The following RAD51B variants were observed in gnomAD, a reference collection of about 807,000 sequenced individuals.
RAD51B encodes RAD51 paralog B.
RAD51B carries 38 observed loss-of-function variants against 42.2 expected under a neutral mutation model. The ratio of observed to expected loss-of-function variants is 0.90; its 90% CI spans 0.70 to 1.18. The LOEUF (loss-of-function observed/expected upper bound fraction) is 1.18. RAD51B is among the 50% of genes most tolerant of loss of function. RAD51B has a pLI of 0.00. For synonymous variants in RAD51B, 154 were observed against 145.2 expected, an observed-to-expected ratio of 1.06 and a Z score of -0.43; for missense variants, 373 against 400.7, an observed-to-expected ratio of 0.93 and a Z score of 0.59.
intron 7 of RAD51B, among the ~76,000 whole-genome samples, chr14:68,037,648 T>C (rs12432681): frequency 0.28 from 42,463 of 152,132 alleles, 7,858 homozygotes; most frequent in African/African-American, 0.53. Context: ...CACAAATGTC[T>C]TGCCAATGTC....
chr14:68,642,422 T>C (rs1177552938), intron 10 of RAD51B, among the ~76,000 whole-genome samples: 1 of 152,234 alleles, frequency 6.6e-6, no homozygotes, highest in African/African-American at 2.4e-5. Context: ...TTCTTCATTA[T>C]CCTTTTAATG....
chr14:68,161,425 C>G (rs546638909), intron 7 of RAD51B, among the ~76,000 whole-genome samples: 1 of 152,250 alleles, frequency 6.6e-6, no homozygotes, highest in East Asian at 1.9e-4. Context: ...ATAATTGGCC[C>G]AGCATAGGTC....
chr14:68,115,325 C>T (rs1796359089), intron 7 of RAD51B, among the ~76,000 whole-genome samples: 1 of 128,348 alleles, frequency 7.8e-6, no homozygotes, highest in Non-Finnish European at 1.5e-5. Context: ...TATTCTCACT[C>T]ATAGGTGGGA....
intron 7 of RAD51B, among the ~76,000 whole-genome samples, chr14:67,946,104 C>T (rs749215638): frequency 3.9e-4 from 60 of 152,148 alleles, no homozygotes; most frequent in Non-Finnish European, 4.3e-4. Flanking sequence ...ATTTGAAAAT[C>T]CCAAAATAGA....
chr14:68,391,702 C>T (rs1428179515), intron 8 of RAD51B, among the ~76,000 whole-genome samples: 1 of 151,898 alleles, frequency 6.6e-6, no homozygotes, highest in Non-Finnish European at 1.5e-5. Context: ...TCCTTTTACC[C>T]TGTATGTGGA....
intron 8 of RAD51B, among the ~76,000 whole-genome samples, chr14:68,377,050 T>TAG (rs2083385334): frequency 1.3e-5 from 2 of 152,204 alleles, no homozygotes; most frequent in Non-Finnish European, 2.9e-5. Flanking sequence ...GTTTACTATA[T>TAG]TATTGAGTTT....
At chr14:68,082,708 A>T (rs2076929857) in intron 7 of RAD51B, among the ~76,000 whole-genome samples, 1 of 151,278 alleles carries the variant, frequency 6.6e-6, no homozygotes, top group Non-Finnish European at 1.5e-5. Flanking sequence ...CTGTATTATA[A>T]TTTTTTTTTA....
At chr14:68,323,631 GA>G (rs1157161392) in intron 8 of RAD51B, among the ~76,000 whole-genome samples, 4 of 152,176 alleles carry the variant, frequency 2.6e-5, no homozygotes, top group African/African-American at 9.7e-5. Context: ...ATCTCTACTA[GA>G]AATAGAAAAA....
intron 7 of RAD51B, among the ~76,000 whole-genome samples, chr14:67,929,610 C>A (rs113247520): frequency 6.6e-6 from 1 of 152,070 alleles, no homozygotes; most frequent in Non-Finnish European, 1.5e-5. Context: ...TCTAAAGTCC[C>A]GTTTAAGTCT....
At chr14:68,466,931 C>A (rs2086001145) in intron 9 of RAD51B, among the ~76,000 whole-genome samples, 1 of 152,194 alleles carries the variant, frequency 6.6e-6, no homozygotes. Context: ...TCACATTTTC[C>A]CACCACTTCT....
intron 7 of RAD51B, among the ~76,000 whole-genome samples, chr14:67,904,571 T>C (rs1372920788): frequency 6.8e-6 from 1 of 147,286 alleles, no homozygotes; most frequent in Non-Finnish European, 1.5e-5. Flanking sequence ...TGTGCAGAGG[T>C]GCGATCTCGG....
At chr14:67,868,239 A>C (rs1025404959) in intron 5 of RAD51B, among the ~76,000 whole-genome samples, 4 of 152,082 alleles carry the variant, frequency 2.6e-5, no homozygotes, top group African/African-American at 9.7e-5. Context: ...CACCACATGC[A>C]AGCCGAAGCA....
At chr14:67,829,587 T>C (rs1355991819) in intron 3 of RAD51B, among the ~76,000 whole-genome samples, 1 of 152,146 alleles carries the variant, frequency 6.6e-6, no homozygotes, top group Non-Finnish European at 1.5e-5. Flanking sequence ...AGTTCATTCA[T>C]AATTTGGCTC....
chr14:68,530,249 G>A (rs999747626), intron 10 of RAD51B, among the ~76,000 whole-genome samples: 1 of 151,752 alleles, frequency 6.6e-6, no homozygotes, highest in Non-Finnish European at 1.5e-5. Context: ...TTCAAGACTA[G>A]CCTGGGCAAT....
At chr14:68,321,497 T>G (rs189064737) in intron 8 of RAD51B, among the ~76,000 whole-genome samples, 22 of 152,326 alleles carry the variant, frequency 1.4e-4, no homozygotes, top group African/African-American at 4.8e-4. Context: ...CAAAAGCAGC[T>G]CTGGGAAGAC....
intron 10 of RAD51B, among the ~76,000 whole-genome samples, chr14:68,568,788 C>T (rs1285766843): frequency 1.3e-5 from 2 of 151,902 alleles, no homozygotes; most frequent in Non-Finnish European, 2.9e-5. Flanking sequence ...CTTCCTCGTC[C>T]TCCCTTTCTT....
intron 11 of RAD51B, chr14:68,683,026 C>T (rs1893469515): frequency 2.2e-6 from 2 of 910,060 alleles, no homozygotes; most frequent in Non-Finnish European, 2.7e-6. Context: ...CACAAAGGAC[C>T]CCAGTTGAGT....
intron 7 of RAD51B, among the ~76,000 whole-genome samples, chr14:67,913,265 T>C (rs1473722236): frequency 1.3e-5 from 2 of 152,194 alleles, no homozygotes; most frequent in East Asian, 1.9e-4. Context: ...CTAAGAATCA[T>C]CTAATGGTGC....
At chr14:68,577,442 T>C (rs1476863334) in intron 10 of RAD51B, among the ~76,000 whole-genome samples, 1 of 152,108 alleles carries the variant, frequency 6.6e-6, no homozygotes, top group African/African-American at 2.4e-5. Flanking sequence ...TTAGTTTAGA[T>C]GCTTCCACAG....
Sources: gnomAD v4.1 joint callset for allele counts (sites outside exome capture counted in the v4.1 genomes callset) on GRCh38, gnomAD v4.1.1 for gene constraint, MANE v1.5 for transcripts, NCBI Gene and HGNC (gene_info 2026-07-23, HGNC 2026-07-21) for gene names.